MERTK: variants seen among roughly 807,000 people sequenced by gnomAD.
MERTK encodes MER proto-oncogene, tyrosine kinase.
In MERTK, 69 loss-of-function variants were observed where a neutral mutation model predicts 99.3. That is an observed-to-expected ratio of 0.70 (90% CI 0.57 to 0.85). The LOEUF (loss-of-function observed/expected upper bound fraction) is 0.85. MERTK is among the 40% of genes least tolerant of loss of function. The pLI, the probability that MERTK is intolerant of heterozygous loss-of-function variation, is 0.00. For missense variants in MERTK, 1,125 were observed against 1,249.4 expected (o/e 0.90, Z 1.50); for synonymous variants, 426 against 467.6 (o/e 0.91, Z 1.15).
intron 14 of MERTK, 106 bp from the exon 15 acceptor site, chr2:112,009,842 G>C: frequency 1.1e-6 from 1 of 876,128 alleles, no homozygotes; most frequent in Non-Finnish European, 1.9e-6. Context: ...TTTTCAAACT[G>C]TTAACTTGGT....
chr2:111,973,098 G>T (rs1032242656), intron 6 of MERTK, among the ~76,000 whole-genome samples: 1 of 152,068 alleles, frequency 6.6e-6, no homozygotes, highest in African/African-American at 2.4e-5. Flanking sequence ...GCTCTCCCAT[G>T]TACTTCTTGC....
At chr2:111,961,726 A>G (rs1294157619) in intron 4 of MERTK, among the ~76,000 whole-genome samples, 1 of 152,214 alleles carries the variant, frequency 6.6e-6, no homozygotes. Context: ...GAAAATAACA[A>G]AAACCCACCA....
intron 2 of MERTK, among the ~76,000 whole-genome samples, chr2:111,929,926 A>G (rs746645747): frequency 9.9e-5 from 15 of 152,142 alleles, no homozygotes; most frequent in Non-Finnish European, 1.0e-4. Context: ...AAATGTCATT[A>G]TGCTAATGCT....
At chr2:111,999,541 TC>T (rs1450922201) in intron 10 of MERTK, among the ~76,000 whole-genome samples, 2 of 152,188 alleles carry the variant, frequency 1.3e-5, no homozygotes, top group Admixed American at 6.5e-5. Flanking sequence ...GCTCAAGTGA[TC>T]CTCCTGCCTC....
At chr2:112,007,952 C>T (rs1186566486) in intron 13 of MERTK, among the ~76,000 whole-genome samples, 1 of 151,812 alleles carries the variant, frequency 6.6e-6, no homozygotes, top group Non-Finnish European at 1.5e-5. Context: ...CAGAGAATGC[C>T]CATAGGTCCC....
At chr2:111,927,969 C>T (rs1025057791) in intron 1 of MERTK, among the ~76,000 whole-genome samples, 1 of 152,148 alleles carries the variant, frequency 6.6e-6, no homozygotes, top group African/African-American at 2.4e-5. Flanking sequence ...AGATAACAAC[C>T]AGTGTAGAAT....
chr2:111,991,992 TC>T (rs1676630105), intron 8 of MERTK, among the ~76,000 whole-genome samples: 1 of 152,156 alleles, frequency 6.6e-6, no homozygotes, highest in Admixed American at 6.5e-5. Flanking sequence ...GCTGATCTTC[TC>T]CTGCCCTCCT....
At chr2:112,023,139 G>A (rs35382200) in intron 18 of MERTK, among the ~76,000 whole-genome samples, 1 of 152,010 alleles carries the variant, frequency 6.6e-6, no homozygotes, top group Non-Finnish European at 1.5e-5. Context: ...ATAAGGCCGA[G>A]TGCGGTGGCT....
At position 112,022,632 on chromosome 2, in the gene MERTK, C is replaced by T. The variant is rs1448864438; in HGVS notation, c.2486+238C>T. Reference sequence around the variant, plus strand: ...TCACTCATCCAAAGGGCCTCAGTCTCGAACGACAGGCACGGTCAAGACAAG... The same window carrying T: ...TCACTCATCCAAAGGGCCTCAGTCTTGAACGACAGGCACGGTCAAGACAAG... On this transcript the variant is annotated intron_variant, in intron 18 of 18. Coordinates refer to ENST00000295408, the MANE Select transcript of MERTK (RefSeq NM_006343.3). 1.7e-5 allele frequency: 13 copies of T among 748,242 alleles called. No individual in the cohort carries two copies. The East Asian group carries it at 2.0e-4, about 12-fold the overall frequency. The allele number at this position is 748,242 out of a possible 1,614,324, so 46.4% of individuals were successfully genotyped here.
chr2:111,982,984 A>C lies in MERTK; in HGVS notation c.1287A>C (p.Ala429=), dbSNP rs115203717. ...GGATATCCCACGTGTGGCAGAGTGC[A>C]GGGATTTCCGTAAGTCTAAACCCTA... ...GYRISHVWQS[A]GISKELLEEV... Residue 429 remains alanine (A), a synonymous_variant, in exon 8 of 19, where the codon GCA becomes GCC. Transcript: ENST00000295408. 3.7e-6 allele frequency: 6 copies of C among 1,613,806 alleles called. No individual in the cohort carries two copies. The highest frequency in any genetic ancestry group is 4.2e-6 in the Non-Finnish European group (5 of 1,179,948).
intron 11 of MERTK, among the ~76,000 whole-genome samples, chr2:112,002,694 C>T (rs1354341810): frequency 6.6e-6 from 1 of 152,102 alleles, no homozygotes; most frequent in Admixed American, 6.5e-5. Flanking sequence ...AAAAAAGGGG[C>T]CGGCTATGGT....
intron 4 of MERTK, among the ~76,000 whole-genome samples, chr2:111,955,027 A>C (rs939653532): frequency 6.6e-6 from 1 of 152,118 alleles, no homozygotes; most frequent in Non-Finnish European, 1.5e-5. Flanking sequence ...CCTTGTGCAG[A>C]GTAGCTGCCC....
rs534958465 is a variant in MERTK at position 111,953,882 on chromosome 2, A to T, written c.757+6315A>T. 9.2e-5 allele frequency among the ~76,000 whole-genome samples: 14 copies of T among 152,220 alleles called. No individual in the cohort carries two copies. In the South Asian group the frequency reaches 2.9e-3, roughly 32 times the overall value. ...GAGCCACTGTGCCCAGGCCCTGTAC[A>T]TTGTTCTCAAATGTCAATTGTGCTC... On this transcript the variant is annotated intron_variant, in intron 4 of 18. Transcript: ENST00000295408.
chr2:111,962,586 A>T (rs908402393), intron 4 of MERTK, among the ~76,000 whole-genome samples: 4 of 151,814 alleles, frequency 2.6e-5, no homozygotes, highest in Non-Finnish European at 5.9e-5. Context: ...CATAAACCCC[A>T]CCCCCACTTT....
chr2:112,028,607 G>A lies in MERTK; in HGVS notation c.2743G>A (p.Val915Ile). 6.2e-7 allele frequency: 1 copy of A among 1,614,206 alleles called. No individual in the cohort carries two copies. ...CACTCCCCGCGCTGCCATCAGTGTGGTCACAGCAGAAGTTCATGACAGCAA... is the reference window on the plus strand; with the variant it reads ...CACTCCCCGCGCTGCCATCAGTGTGATCACAGCAGAAGTTCATGACAGCAA... ...SCTPRAAISV[V>I]TAEVHDSKPH... is the part of the protein sequence containing the mutation. Residue 915 changes from valine to isoleucine, a missense_variant, in exon 19 of 19, where the codon GTC becomes ATC. Coordinates refer to ENST00000295408, the MANE Select transcript of MERTK (RefSeq NM_006343.3).
rs183353313 is a variant in MERTK, at chr2:112,004,808, A to G, written c.1867+824A>G. ...ACCTGTAATCCCAGGTGACTGAGGC[A>G]GGAGAATCACTTGAACTCGGGAGGC... On this transcript the variant is annotated intron_variant, in intron 13 of 18. Coordinates refer to ENST00000295408, the MANE Select transcript of MERTK (RefSeq NM_006343.3). Among the ~76,000 whole-genome samples, 974 of 152,164 alleles carry G rather than the reference A, an allele frequency of 6.4e-3. 6 individuals carry two copies. The highest frequency in any genetic ancestry group is 0.034 in the Middle Eastern group (10 of 294).
At chr2:112,019,993 G>A (rs1431758878) in intron 16 of MERTK, among the ~76,000 whole-genome samples, 12 of 152,202 alleles carry the variant, frequency 7.9e-5, no homozygotes, top group Non-Finnish European at 2.9e-5. Flanking sequence ...AAGAAATGTG[G>A]ACTTAGGTTC....
chr2:112,008,387 C>G lies in MERTK; in HGVS notation c.1872C>G (p.Asp624Glu), dbSNP rs751734405. 6 of 1,612,420 alleles carry G rather than the reference C, an allele frequency of 3.7e-6. No homozygotes were observed. ...CTTTTCTATTTTCTCCTCTAGTGGA[C>G]AACTCTTCACAGCGGGAGATCGAGG... ...LKVAVKTMKLDNSSQREIEEF... is the reference protein window; with the variant it reads ...LKVAVKTMKLENSSQREIEEF... The change falls in exon 14 of 19, where the codon GAC becomes GAG. Residue 624 changes from aspartate to glutamate, a missense_variant. Physicochemically the swap from Asp to Glu is conservative, Grantham distance 45. Transcript: ENST00000295408.
Position 112,021,450 on chromosome 2 carries a change from G to T in MERTK, c.2218G>T (p.Ala740Ser), listed in dbSNP as rs1477593032. 6.2e-7 allele frequency: 1 copy of T among 1,613,662 alleles called. No homozygotes were observed. The highest frequency in any genetic ancestry group is 8.5e-7 in the Non-Finnish European group (1 of 1,179,872). The change falls in exon 17 of 19, where the codon GCG (alanine) becomes TCG (serine). Residue 740 changes from alanine to serine, a missense_variant. Ala to Ser is a moderately conservative substitution (Grantham distance 99). Transcript: ENST00000295408. ...MLRDDMTVCV[A>S]DFGLSKKIYS... ...GCGAGATGACATGACTGTCTGTGTTGCGGACTTCGGCCTCTCTAAGAAGAT... is the reference window on the plus strand; with the variant it reads ...GCGAGATGACATGACTGTCTGTGTTTCGGACTTCGGCCTCTCTAAGAAGAT...
Sources: gnomAD v4.1 joint callset for allele counts (sites outside exome capture counted in the v4.1 genomes callset) on GRCh38, gnomAD v4.1.1 for gene constraint, MANE v1.5 for transcripts, NCBI Gene and HGNC (gene_info 2026-07-23, HGNC 2026-07-21) for gene names.